Variants in PIWIL4 observed in about 807,000 individuals in gnomAD.
PIWIL4 encodes piwi-like protein 4.
A neutral mutation model predicts 100.9 loss-of-function variants in PIWIL4; 50 were observed. The observed-to-expected ratio is 0.50, with a 90% CI of 0.39 to 0.63. The LOEUF (loss-of-function observed/expected upper bound fraction) is 0.63, where lower values mean the gene tolerates loss of function less well. Ranked by LOEUF, PIWIL4 falls within the 20% of genes least tolerant of loss-of-function variation. The pLI, the probability that PIWIL4 is intolerant of heterozygous loss-of-function variation, is 0.00. For missense variants in PIWIL4, 887 were observed against 1,043.3 expected, an observed-to-expected ratio of 0.85 and a Z score of 2.06; for synonymous variants, 342 against 367.5, an observed-to-expected ratio of 0.93 and a Z score of 0.79.
At chr11:94,568,580 C>A in intron 1 of PIWIL4, 150 bp from the exon 2 acceptor site, 7 of 512,876 alleles carry the variant, frequency 1.4e-5, no homozygotes, top group South Asian at 5.3e-5. Context: ...AGAATGGGCA[C>A]TCTCTTCTCA....
chr11:94,595,664 A>G (rs1315821951), intron 10 of PIWIL4, among the ~76,000 whole-genome samples: 2 of 152,248 alleles, frequency 1.3e-5, no homozygotes, highest in South Asian at 2.1e-4. Context: ...CCCTGCTTTC[A>G]TCTATTTCAT....
In PIWIL4 at chr11:94,607,595, A is replaced by G; in HGVS notation, c.1795A>G (p.Met599Val). Residue 599 changes from methionine (M) to valine (V), a missense_variant, in exon 14 of 20, where the codon ATG becomes GTG. Physicochemically the swap from Met to Val is conservative, Grantham distance 21. This residue lies in a region of PIWIL4 where 741 missense variants were observed against 930.0 expected (regional missense o/e 0.80). Transcript: ENST00000299001. The stretch of plus-strand genomic sequence containing the variant: ...TATCGCCACCAAGATCGCTATGCAG[A>G]TGACTTGCAAGCTCGGAGGCGAGCT... ...MSIATKIAMQMTCKLGGELWA... is the reference protein window; with the variant it reads ...MSIATKIAMQVTCKLGGELWA... The G allele has an allele frequency of 6.2e-7, 1 of 1,614,156 alleles. No individual in the cohort carries two copies. The highest frequency in any genetic ancestry group is 8.5e-7 in the Non-Finnish European group (1 of 1,180,014).
At chr11:94,587,959 T>G (rs980669359) in intron 7 of PIWIL4, among the ~76,000 whole-genome samples, 2 of 152,156 alleles carry the variant, frequency 1.3e-5, no homozygotes, top group African/African-American at 4.8e-5. Context: ...TTTTAAAAAT[T>G]TTTTATTTTA....
intron 4 of PIWIL4, 147 bp downstream of exon 4, chr11:94,577,639 T>C: frequency 1.4e-6 from 1 of 714,494 alleles, no homozygotes; most frequent in East Asian, 2.8e-5. Flanking sequence ...AAAAACTACC[T>C]TTATTTCTTA....
intron 2 of PIWIL4, among the ~76,000 whole-genome samples, chr11:94,571,339 GGTTT>G (rs1264477728): frequency 6.6e-6 from 1 of 152,020 alleles, no homozygotes; most frequent in Non-Finnish European, 1.5e-5. Flanking sequence ...ACAACGTGCA[GGTTT>G]GTTACATATG....
intron 1 of PIWIL4, 66 bp from the exon 2 acceptor site, chr11:94,568,663 TA>T (rs1452243171): frequency 8.0e-7 from 1 of 1,256,302 alleles, no homozygotes; most frequent in Non-Finnish European, 1.2e-6. Context: ...ACACTGTTCT[TA>T]GGATAATCTT....
chr11:94,599,499 G>C (rs1437382891), intron 11 of PIWIL4, among the ~76,000 whole-genome samples: 1 of 152,224 alleles, frequency 6.6e-6, no homozygotes, highest in Non-Finnish European at 1.5e-5. Context: ...TAAGACAACA[G>C]CAGGAAGAAA....
chr11:94,602,166 G>A (rs1207048038), intron 12 of PIWIL4, among the ~76,000 whole-genome samples, 187 bp downstream of exon 12: 1 of 152,168 alleles, frequency 6.6e-6, no homozygotes, highest in African/African-American at 2.4e-5. Context: ...TATATTTTAT[G>A]TTGGCCTTTG....
intron 13 of PIWIL4, 123 bp downstream of exon 13, chr11:94,604,179 G>A (rs376172904): frequency 1.4e-4 from 70 of 497,458 alleles, no homozygotes; most frequent in South Asian, 1.3e-3. Flanking sequence ...CCAAAGCACC[G>A]AAGAAAATAT....
chr11:94,598,690 G>A (rs945614316), intron 11 of PIWIL4, among the ~76,000 whole-genome samples: 3 of 149,778 alleles, frequency 2.0e-5, no homozygotes, highest in South Asian at 2.1e-4. Context: ...GTAGAATGGG[G>A]GGAATTTTTT....
In PIWIL4 at chr11:94,567,602, A is replaced by T; in HGVS notation, c.84A>T (p.Pro28=). Residue 28 remains proline (P), a synonymous_variant, in exon 1 of 20, where the codon CCA becomes CCT. Coordinates refer to ENST00000299001, the MANE Select transcript of PIWIL4 (RefSeq NM_152431.3). ...ATEVGRIQAS[P]LPRSVDLSNN... ...AAGTGGGGCGCATCCAAGCCTCGCC[A>T]TTGGTGTGTAGAATGCTTATTGCGC... 2 of 1,602,556 alleles carry T rather than the reference A, an allele frequency of 1.2e-6. No homozygotes were observed. The highest frequency in any genetic ancestry group is 1.7e-6 in the Non-Finnish European group (2 of 1,174,380).
At chr11:94,616,372 A>G (rs767240832) in intron 15 of PIWIL4, 121 bp from the exon 16 acceptor site, 49 of 846,000 alleles carry the variant, frequency 5.8e-5, no homozygotes, top group Admixed American at 3.0e-4. Context: ...CACATAACAC[A>G]TACAAAATTG....
At chr11:94,577,746 A>C (rs967382478) in intron 4 of PIWIL4, among the ~76,000 whole-genome samples, 1 of 152,214 alleles carries the variant, frequency 6.6e-6, no homozygotes, top group African/African-American at 2.4e-5. Flanking sequence ...ATTTAACCAC[A>C]TCAGTGCAGT....
intron 7 of PIWIL4, 105 bp from the exon 8 acceptor site, chr11:94,589,016 C>T (rs1591787446): frequency 1.4e-6 from 1 of 694,670 alleles, no homozygotes. Context: ...TTCATAATTT[C>T]TGACATTCTG....
At chr11:94,585,396 ACT>A in intron 5 of PIWIL4, 47 bp from the exon 6 acceptor site, 3 of 1,306,942 alleles carry the variant, frequency 2.3e-6, no homozygotes, top group Non-Finnish European at 3.3e-6. Flanking sequence ...TTAGAATTAC[ACT>A]GTTACTGACT....
intron 10 of PIWIL4, among the ~76,000 whole-genome samples, chr11:94,597,176 T>C (rs762610048): frequency 5.9e-5 from 9 of 152,252 alleles, no homozygotes; most frequent in Non-Finnish European, 1.0e-4. Context: ...ATTCTCCTCA[T>C]AGGATAGAGA....
chr11:94,602,453 A>G (rs113576611), intron 12 of PIWIL4, among the ~76,000 whole-genome samples: 1,779 of 152,336 alleles, frequency 0.012, 33 homozygotes, highest in African/African-American at 0.04. Context: ...GTAGCATACT[A>G]TTAGTCATTC....
Position 94,575,067 on chromosome 11 carries a change from G to A in PIWIL4, c.235G>A (p.Asp79Asn), listed in dbSNP as rs746663049. 1.1e-5 allele frequency: 18 copies of A among 1,613,708 alleles called. No individual in the cohort carries two copies. The highest frequency in any genetic ancestry group is 5.0e-5 in the Admixed American group (3 of 59,996). ...GGAAAGAGGTGTGAAAAACAAACAG[G>A]ACTTTATGGATTTGAGTATCTGTAC... The part of the protein sequence containing the change: ...FMERGVKNKQ[D>N]FMDLSICTRE... Residue 79 changes from aspartate to asparagine, a missense_variant, in exon 3 of 20, where the codon GAC becomes AAC. By Grantham distance (23) the Asp-to-Asn change is conservative. This residue lies in a region of PIWIL4 where 146 missense variants were observed against 113.4 expected (regional missense o/e 1.29). Coordinates refer to ENST00000299001, the MANE Select transcript of PIWIL4 (RefSeq NM_152431.3).
At chr11:94,573,070 C>T (rs1948182215) in intron 2 of PIWIL4, among the ~76,000 whole-genome samples, 4 of 152,166 alleles carry the variant, frequency 2.6e-5, no homozygotes, top group Non-Finnish European at 5.9e-5. Flanking sequence ...GGAGTTCACT[C>T]ATGATTTGGC....
Sources: gnomAD v4.1 joint callset for allele counts (sites outside exome capture counted in the v4.1 genomes callset) on GRCh38, gnomAD v4.1.1 for gene constraint, gnomAD v4.1.1 regional missense constraint, MANE v1.5 for transcripts, NCBI Gene and HGNC (gene_info 2026-07-23, HGNC 2026-07-21) for gene names.